IGF2BP2: variants seen among roughly 807,000 people sequenced by gnomAD.
The protein encoded by IGF2BP2 is insulin-like growth factor 2 mRNA-binding protein 2.
A neutral mutation model predicts 75.8 loss-of-function variants in IGF2BP2; 17 were observed. The ratio of observed to expected loss-of-function variants is 0.22; its 90% CI spans 0.15 to 0.34. The LOEUF (loss-of-function observed/expected upper bound fraction) is 0.34, where lower values mean the gene tolerates loss of function less well. IGF2BP2 is among the 10% of genes least tolerant of loss of function. The pLI is 1.00. For synonymous variants in IGF2BP2, 288 were observed against 295.6 expected (o/e 0.97, Z 0.26); for missense variants, 516 against 772.4 (o/e 0.67, Z 3.93).
At chr3:185,666,132 C>T (rs1377668844) in intron 10 of IGF2BP2, among the ~76,000 whole-genome samples, 5 of 152,100 alleles carry the variant, frequency 3.3e-5, no homozygotes, top group Non-Finnish European at 1.5e-5. Context: ...CTTTCAGATA[C>T]AGAAAGGCTT....
At chr3:185,673,316 T>C (rs762549454) in intron 9 of IGF2BP2, among the ~76,000 whole-genome samples, 1 of 152,240 alleles carries the variant, frequency 6.6e-6, no homozygotes, top group Non-Finnish European at 1.5e-5. Context: ...AAGTACTCAA[T>C]AAATATTTGT....
chr3:185,704,828 T>A (rs1553865292), intron 2 of IGF2BP2, among the ~76,000 whole-genome samples: 1 of 151,984 alleles, frequency 6.6e-6, no homozygotes, highest in African/African-American at 2.4e-5. Context: ...TAAGAGTCAA[T>A]GAAAAAAAAT....
At chr3:185,820,209 T>TGC (rs1196482924) in intron 2 of IGF2BP2, among the ~76,000 whole-genome samples, 3 of 125,562 alleles carry the variant, frequency 2.4e-5, no homozygotes, top group African/African-American at 1.0e-4. Flanking sequence ...GCAGTATGTG[T>TGC]GTGTGTGTAT....
chr3:185,719,888 A>C (rs1726246779), intron 2 of IGF2BP2, among the ~76,000 whole-genome samples: 1 of 152,110 alleles, frequency 6.6e-6, no homozygotes. Flanking sequence ...GAAAAGTTGG[A>C]GTATAAAGAA....
chr3:185,795,385 C>T (rs183569904), intron 2 of IGF2BP2, among the ~76,000 whole-genome samples: 73 of 152,322 alleles, frequency 4.8e-4, no homozygotes, highest in Admixed American at 1.4e-3. Context: ...AATGGACACT[C>T]GGGCCACTTC....
intron 7 of IGF2BP2, among the ~76,000 whole-genome samples, chr3:185,684,644 T>G (rs374285558): frequency 3.9e-5 from 6 of 152,204 alleles, no homozygotes; most frequent in East Asian, 3.9e-4. Flanking sequence ...TGGCCTCAAG[T>G]GATCCGCCCG....
chr3:185,690,594 A>AC (rs979015066), intron 5 of IGF2BP2, among the ~76,000 whole-genome samples: 2 of 152,314 alleles, frequency 1.3e-5, no homozygotes. Context: ...CCAACCTTTT[A>AC]CAGTTACACA....
chr3:185,663,181 A>T (rs1262388651), intron 10 of IGF2BP2, among the ~76,000 whole-genome samples: 3 of 152,208 alleles, frequency 2.0e-5, no homozygotes, highest in Non-Finnish European at 4.4e-5. Context: ...CCTGACCCCA[A>T]TGTGGCCATT....
intron 14 of IGF2BP2, among the ~76,000 whole-genome samples, chr3:185,649,052 T>C (rs1284196748): frequency 1.3e-5 from 2 of 151,162 alleles, no homozygotes; most frequent in Non-Finnish European, 3.0e-5. Flanking sequence ...CTGCTACATG[T>C]GGGTATAAAG....
intron 14 of IGF2BP2, 128 bp downstream of exon 14, chr3:185,649,275 A>G (rs1714146013): frequency 8.1e-7 from 1 of 1,241,628 alleles, no homozygotes; most frequent in African/African-American, 1.5e-5. Flanking sequence ...GGAGAGCCTT[A>G]GTTTATCTGC....
chr3:185,665,117 A>G (rs1241003609), intron 10 of IGF2BP2, among the ~76,000 whole-genome samples: 1 of 147,958 alleles, frequency 6.8e-6, no homozygotes, highest in Non-Finnish European at 1.5e-5. Flanking sequence ...GTGAGCTGGG[A>G]TCACACCACT....
At chr3:185,821,040 A>T in intron 2 of IGF2BP2, 1 of 1,535,664 alleles carries the variant, frequency 6.5e-7, no homozygotes, top group African/African-American at 1.4e-5. Flanking sequence ...TCAACGTGGT[A>T]GTGTCCAGGA....
chr3:185,687,278 A>G, intron 6 of IGF2BP2, 87 bp from the exon 7 acceptor site: 5 of 1,369,262 alleles, frequency 3.7e-6, no homozygotes, highest in Non-Finnish European at 5.0e-6. Context: ...ACCCATGTAC[A>G]GCAAGGACAC....
At chr3:185,689,803 C>A (rs908782376) in intron 5 of IGF2BP2, among the ~76,000 whole-genome samples, 176 bp from the exon 6 acceptor site, 11 of 151,694 alleles carry the variant, frequency 7.3e-5, no homozygotes, top group Admixed American at 6.6e-5. Context: ...CCCGTCTCTA[C>A]TAAAAATACA....
intron 2 of IGF2BP2, among the ~76,000 whole-genome samples, chr3:185,741,008 C>T (rs989058952): frequency 1.3e-5 from 2 of 152,216 alleles, no homozygotes; most frequent in African/African-American, 4.8e-5. Flanking sequence ...TCCTGAGTAG[C>T]TGGGATTATA....
chr3:185,676,903 G>A (rs1253485594), intron 7 of IGF2BP2, among the ~76,000 whole-genome samples: 13 of 140,766 alleles, frequency 9.2e-5, no homozygotes, highest in African/African-American at 3.4e-4. Flanking sequence ...ATTTACTGGA[G>A]ATATATATAT....
rs1027614114 is a variant in IGF2BP2 at position 185,811,058 on chromosome 3, T to C, written c.239+12095A>G. On this transcript the variant is annotated intron_variant, in intron 2 of 15. Coordinates refer to ENST00000382199, the MANE Select transcript of IGF2BP2 (RefSeq NM_006548.6). ...TTATAGGACAGTCACATATTCAGCA[T>C]ATATATACATATTCTACATTTACAA... Among the ~76,000 whole-genome samples, 5 of 152,146 alleles carry C rather than the reference T, an allele frequency of 3.3e-5. 1 individual carries two copies. Among genetic ancestry groups the C allele is most frequent in the African/African-American group, 1.2e-4 (5 of 41,442 alleles).
rs545730692 is a variant in IGF2BP2 at position 185,824,928 on chromosome 3, G to A, written c.33C>T (p.Ser11=). The stretch of plus-strand genomic sequence containing the variant: ...GGAGGTCGTCGGCGGTGACGGCGGG[G>A]CTCAGGTTCCCGATGTAAAGCTTGT... The part of the protein sequence containing the change: MMNKLYIGNL[S]PAVTADDLRQ... Residue 11 remains serine (S), a synonymous_variant, in exon 1 of 16, where the codon AGC becomes AGT. Coordinates refer to ENST00000382199, the MANE Select transcript of IGF2BP2 (RefSeq NM_006548.6). 3.2e-5 allele frequency: 50 copies of A among 1,560,862 alleles called. No individual in the cohort carries two copies. The highest frequency in any genetic ancestry group is 4.1e-5 in the Non-Finnish European group (47 of 1,150,406).
Position 185,713,101 on chromosome 3 carries a change from T to C in IGF2BP2, c.240-14754A>G, listed in dbSNP as rs200352782. ...GTGTGTGTGTGTGTGTGTGTGTGTG[T>C]GCAAGAGACATATATGTGTGTGTGT... On this transcript the variant is annotated intron_variant, in intron 2 of 15. Coordinates refer to ENST00000382199, the MANE Select transcript of IGF2BP2 (RefSeq NM_006548.6). Among the ~76,000 whole-genome samples, 35 of 151,010 alleles carry C rather than the reference T, an allele frequency of 2.3e-4. No individual in the cohort carries two copies. In the East Asian group the frequency reaches 4.7e-3, roughly 20 times the overall value.
Sources: gnomAD v4.1 joint callset for allele counts (sites outside exome capture counted in the v4.1 genomes callset) on GRCh38, gnomAD v4.1.1 for gene constraint, MANE v1.5 for transcripts, NCBI Gene and HGNC (gene_info 2026-07-23, HGNC 2026-07-21) for gene names.